NT5DC1: variants seen among roughly 807,000 people sequenced by gnomAD.
NT5DC1 encodes the protein 5'-nucleotidase domain containing 1.
Under a neutral mutation model 59.4 loss-of-function variants are expected in NT5DC1, and 42 were observed. The ratio of observed to expected loss-of-function variants is 0.71; its 90% CI spans 0.55 to 0.92. The LOEUF is 0.92. Ranked by LOEUF, NT5DC1 falls within the 40% of genes least tolerant of loss-of-function variation. The probability of loss-of-function intolerance (pLI) is 0.00; values close to 1 mark genes in which losing one functional copy is unlikely to be tolerated. For missense variants in NT5DC1, 501 were observed against 537.1 expected (o/e 0.93, Z 0.66); for synonymous variants, 172 against 188.1 (o/e 0.91, Z 0.70).
chr6:116,152,966 TAATAA>T (rs1029846045), intron 6 of NT5DC1, among the ~76,000 whole-genome samples: 2 of 152,118 alleles, frequency 1.3e-5, no homozygotes, highest in Admixed American at 6.6e-5. Context: ...TTTTATAGTA[TAATAA>T]AATACAGAGG....
Position 116,221,110 on chromosome 6 carries a change from A to G in NT5DC1, c.586A>G (p.Ser196Gly). ...IKRDPGRYLHSCPESVKKWLR... is the reference protein window; with the variant it reads ...IKRDPGRYLHGCPESVKKWLR... ...AAGAGATCCAGGCAGATATTTACAT[A>G]GTTGTCCTGAATCTGTGAAAAAATG... Residue 196 changes from serine to glycine, a missense_variant, in exon 7 of 12, where the codon AGT becomes GGT. Ser to Gly is a moderately conservative substitution (Grantham distance 56). Transcript: ENST00000319550. 1.3e-6 allele frequency: 2 copies of G among 1,570,406 alleles called. No homozygotes were observed. The highest frequency in any genetic ancestry group is 1.3e-5 in the African/African-American group (1 of 74,172).
chr6:116,210,156 A>G (rs561477700), intron 6 of NT5DC1, among the ~76,000 whole-genome samples: 51 of 152,168 alleles, frequency 3.4e-4, no homozygotes, highest in African/African-American at 1.2e-3. Flanking sequence ...CTCTGCAGAA[A>G]TCTAATTTGG....
rs770242396 is a variant in NT5DC1, at chr6:116,223,173, G to T, written c.802+42G>T. 7.8e-6 allele frequency: 8 copies of T among 1,029,638 alleles called. No individual in the cohort carries two copies. In the Admixed American group the frequency reaches 9.0e-5, roughly 12 times the overall value. 63.8% of individuals were successfully genotyped at this position (1,029,638 alleles called of 1,614,324 possible). A position where few individuals can be genotyped will look rare whatever the true frequency, so the allele number is the denominator to read the frequency against. On this transcript the variant is annotated intron_variant, in intron 8 of 11. Coordinates refer to ENST00000319550, the MANE Select transcript of NT5DC1 (RefSeq NM_152729.3). ...TTCTTTCTTTTCCTGTATACAGTTG[G>T]CTAACAACCTTGTGCAGAACACTGT...
chr6:116,102,136 T>C (rs509002), intron 1 of NT5DC1, among the ~76,000 whole-genome samples: 96,763 of 152,160 alleles, frequency 0.64, 31,337 homozygotes, highest in East Asian at 0.99. Context: ...CCACCCAAAC[T>C]ATTTGGAAAC....
At chr6:116,150,939 A>G (rs751552494) in intron 6 of NT5DC1, among the ~76,000 whole-genome samples, 9 of 152,234 alleles carry the variant, frequency 5.9e-5, no homozygotes, top group Non-Finnish European at 1.0e-4. Flanking sequence ...TTTAAATTTT[A>G]TAAGTAAAAC....
intron 6 of NT5DC1, among the ~76,000 whole-genome samples, chr6:116,180,864 G>A (rs1020596296): frequency 5.3e-5 from 8 of 152,028 alleles, no homozygotes; most frequent in Non-Finnish European, 7.4e-5. Flanking sequence ...TTTGTGAGTC[G>A]TGTATTTTCA....
chr6:116,192,712 C>T (rs1781146041), intron 6 of NT5DC1, among the ~76,000 whole-genome samples: 1 of 152,022 alleles, frequency 6.6e-6, no homozygotes, highest in Non-Finnish European at 1.5e-5. Context: ...GAGTGTAAAA[C>T]TTCAACTAAC....
intron 6 of NT5DC1, among the ~76,000 whole-genome samples, chr6:116,145,184 GACAGTTGTCCTCAACAGAGGACA>G (rs1779866235): frequency 6.6e-6 from 1 of 152,068 alleles, no homozygotes. Context: ...TGAGAAGTTG[GACAGTTGTCCTCAACAGAGGACA>G]ACTGATAACA....
At chr6:116,104,578 C>T (rs956041082) in intron 1 of NT5DC1, among the ~76,000 whole-genome samples, 2 of 152,112 alleles carry the variant, frequency 1.3e-5, no homozygotes, top group African/African-American at 4.8e-5. Flanking sequence ...ATATTTACAC[C>T]GTGGAGATGG....
intron 6 of NT5DC1, among the ~76,000 whole-genome samples, chr6:116,219,961 CAAAA>C (rs1170500016): frequency 1.1e-4 from 4 of 36,256 alleles, no homozygotes; most frequent in South Asian, 1.3e-3. Flanking sequence ...GACTCTGTCT[CAAAA>C]AAAAAAAAAA....
chr6:116,101,129 G>A (rs1778638752), intron 1 of NT5DC1, 106 bp downstream of exon 1: 4 of 776,902 alleles, frequency 5.1e-6, no homozygotes, highest in Non-Finnish European at 5.9e-6. Flanking sequence ...GGGGCCTGCG[G>A]CGGCCGAGTC....
chr6:116,129,442 C>T (rs1034843139), intron 6 of NT5DC1, among the ~76,000 whole-genome samples: 10 of 152,152 alleles, frequency 6.6e-5, no homozygotes, highest in Admixed American at 3.3e-4. Flanking sequence ...GATGAGGTTG[C>T]GAGGACTATG....
intron 6 of NT5DC1, among the ~76,000 whole-genome samples, chr6:116,200,072 T>A (rs923372156): frequency 4.0e-5 from 6 of 151,752 alleles, no homozygotes; most frequent in African/African-American, 1.5e-4. Context: ...CAGGTCAACA[T>A]CAACAGTGAC....
chr6:116,183,213 A>G lies in NT5DC1; in HGVS notation c.530-37841A>G, dbSNP rs1293566278. Among the ~76,000 whole-genome samples, 7 of 152,032 alleles carry G rather than the reference A, an allele frequency of 4.6e-5. No homozygotes were observed. In the East Asian group the frequency reaches 9.7e-4, roughly 21 times the overall value. ...ATTTGGCTTTATTTCTGGGTTCTCTATTCTGTTCCATTGGTCTGTGTGCCC... is the reference window on the plus strand; with the variant it reads ...ATTTGGCTTTATTTCTGGGTTCTCTGTTCTGTTCCATTGGTCTGTGTGCCC... On this transcript the variant is annotated intron_variant, in intron 6 of 11. Transcript: ENST00000319550.
chr6:116,166,154 C>T (rs1021905650), intron 6 of NT5DC1, among the ~76,000 whole-genome samples: 10 of 152,116 alleles, frequency 6.6e-5, no homozygotes, highest in South Asian at 6.2e-4. Flanking sequence ...CAGAGGTTCT[C>T]GGGAGTCAAT....
chr6:116,125,974 G>A (rs951627535), intron 6 of NT5DC1: 1 of 153,802 alleles, frequency 6.5e-6, no homozygotes, highest in Non-Finnish European at 1.4e-5. Context: ...TAATACTTGA[G>A]AAAACTCAAG....
chr6:116,249,072 C>T lies in NT5DC1; in HGVS notation c.*5048C>T, dbSNP rs1276675258. 2 of 152,146 alleles carry T rather than the reference C, an allele frequency of 1.3e-5. No individual in the cohort carries two copies. The highest frequency in any genetic ancestry group is 4.8e-5 in the African/African-American group (2 of 41,422). 9.4% of individuals were successfully genotyped at this position (152,146 alleles called of 1,614,324 possible). ...GTATAATAAAGCTTGAAACAGGTGG[C>T]TGACAATGCAGAAATCAATCACTGA... is the stretch of plus-strand genomic sequence containing the variant. On this transcript the variant is annotated 3_prime_UTR_variant, in exon 12 of 12. Transcript: ENST00000319550.
chr6:116,144,713 C>T (rs1461871295), intron 6 of NT5DC1, among the ~76,000 whole-genome samples: 2 of 152,082 alleles, frequency 1.3e-5, no homozygotes, highest in African/African-American at 2.4e-5. Context: ...GACTTCACAC[C>T]AGTAACATGT....
intron 6 of NT5DC1, among the ~76,000 whole-genome samples, chr6:116,181,703 T>C (rs1305892838): frequency 1.3e-5 from 2 of 151,974 alleles, no homozygotes; most frequent in African/African-American, 4.8e-5. Flanking sequence ...ACAAAACCTA[T>C]TGCAAGCTTT....
Sources: gnomAD v4.1 joint callset for allele counts (sites outside exome capture counted in the v4.1 genomes callset) on GRCh38, gnomAD v4.1.1 for gene constraint, MANE v1.5 for transcripts, NCBI Gene and HGNC (gene_info 2026-07-23, HGNC 2026-07-21) for gene names.